AK3: variants seen among roughly 807,000 people sequenced by gnomAD.
AK3 encodes adenylate kinase 3, also known as GTP:AMP phosphotransferase AK3, mitochondrial.
A neutral mutation model predicts 23.7 loss-of-function variants in AK3; 27 were observed. The observed-to-expected ratio is 1.14, with a 90% CI of 0.84 to 1.57. The LOEUF is 1.57. AK3 is among the 40% of genes most tolerant of loss of function. The pLI is 0.00. For missense variants in AK3, 406 were observed against 285.6 expected (o/e 1.42, Z -3.04); for synonymous variants, 159 against 116.0 (o/e 1.37, Z -2.38).
chr9:4,732,763 A>C (rs1279882340), intron 1 of AK3, among the ~76,000 whole-genome samples: 1 of 152,078 alleles, frequency 6.6e-6, no homozygotes, highest in Non-Finnish European at 1.5e-5. Flanking sequence ...ACCCAAATCA[A>C]CCACACCTCA....
intron 2 of AK3, among the ~76,000 whole-genome samples, chr9:4,721,951 G>A (rs974332666): frequency 7.9e-5 from 12 of 152,240 alleles, no homozygotes; most frequent in African/African-American, 1.9e-4. Context: ...GCGTGCCTGT[G>A]TGCGAAGGTG....
intron 4 of AK3, among the ~76,000 whole-genome samples, 172 bp downstream of exon 4, chr9:4,718,247 C>G (rs530306418): frequency 6.6e-6 from 1 of 152,298 alleles, no homozygotes; most frequent in East Asian, 1.9e-4. Flanking sequence ...TGACTGAAGC[C>G]CAACCTACCT....
rs1298019821 is a variant in AK3, at chr9:4,713,064, G to C, written c.596C>G (p.Thr199Arg). ...ATAGGGCCAAATCTTGTTGGTTTCT[G>C]TTCCGGAGAATGTTTCCAGCACCCC... ...KKGVLETFSGTETNKIWPYVY... is the reference protein window; with the variant it reads ...KKGVLETFSGRETNKIWPYVY... The change falls in exon 5 of 5, where the codon ACA becomes AGA. Residue 199 changes from threonine (T) to arginine (R), a missense_variant. Coordinates refer to ENST00000381809, the MANE Select transcript of AK3 (RefSeq NM_016282.4). The C allele has an allele frequency of 1.2e-6, 2 of 1,613,640 alleles. No individual in the cohort carries two copies. Among genetic ancestry groups the C allele is most frequent in the South Asian group, 2.2e-5 (2 of 91,058 alleles).
At chr9:4,717,179 G>A (rs545194338) in intron 4 of AK3, among the ~76,000 whole-genome samples, 250 of 152,260 alleles carry the variant, frequency 1.6e-3, no homozygotes, top group Non-Finnish European at 2.5e-3. Context: ...CTTGAACTTA[G>A]GTATTCTGGC....
At chr9:4,713,169 C>G (rs1841609554) in intron 4 of AK3, 73 bp from the exon 5 acceptor site, 1 of 1,557,116 alleles carries the variant, frequency 6.4e-7, no homozygotes, top group Non-Finnish European at 8.7e-7. Flanking sequence ...CAAAGCCTTT[C>G]TGTAAATAAT....
At chr9:4,717,184 T>G (rs1296772775) in intron 4 of AK3, among the ~76,000 whole-genome samples, 4 of 152,166 alleles carry the variant, frequency 2.6e-5, no homozygotes, top group African/African-American at 9.7e-5. Flanking sequence ...ACTTAGGTAT[T>G]CTGGCTCCAG....
chr9:4,714,030 A>G, intron 4 of AK3, among the ~76,000 whole-genome samples: 1 of 40,070 alleles, frequency 2.5e-5, no homozygotes, highest in Non-Finnish European at 5.7e-5. Context: ...ATACAGCTAC[A>G]CATATACATC....
rs192542342 is a variant in AK3 at position 4,735,322 on chromosome 9, T to C, written c.151+5615A>G. 2.2e-3 allele frequency among the ~76,000 whole-genome samples: 201 copies of C among 90,884 alleles called. 19 individuals are homozygous for C. Among genetic ancestry groups the C allele is most frequent in the African/African-American group, 0.01 (173 of 17,148 alleles). 59.6% of individuals were successfully genotyped at this position (90,884 alleles called of 152,430 possible). On this transcript the variant is annotated intron_variant, in intron 1 of 4. Transcript: ENST00000381809. ...ATATATACATATATAAATATATATA[T>C]ACATATATAAATATATATATACATA... is the stretch of plus-strand genomic sequence containing the variant.
intron 1 of AK3, among the ~76,000 whole-genome samples, chr9:4,726,617 G>C (rs534986132): frequency 1.2e-3 from 186 of 152,098 alleles, no homozygotes; most frequent in African/African-American, 4.3e-3. Context: ...CACCATATGT[G>C]TAGTTACTTC....
chr9:4,713,109 C>G lies in AK3; in HGVS notation c.564-13G>C, dbSNP rs891352754. The G allele has an allele frequency of 1.2e-6, 2 of 1,612,124 alleles. No individual in the cohort carries two copies. Among genetic ancestry groups the G allele is most frequent in the Non-Finnish European group, 1.7e-6 (2 of 1,179,092 alleles). On this transcript the variant is annotated splice_polypyrimidine_tract_variant and intron_variant, in intron 4 of 4. Transcript: ENST00000381809. ...CACCCCTTTTTTCCTAAAGATGAAA[C>G]AAAAACAAAACAAACACACACAGGT... is the stretch of plus-strand genomic sequence containing the variant.
intron 1 of AK3, among the ~76,000 whole-genome samples, chr9:4,736,927 C>A (rs2130914505): frequency 6.6e-6 from 1 of 152,298 alleles, no homozygotes; most frequent in East Asian, 1.9e-4. Flanking sequence ...ACCCTCCAGC[C>A]TTGGCCTCCC....
intron 1 of AK3, among the ~76,000 whole-genome samples, chr9:4,729,213 T>C (rs976168180): frequency 1.3e-5 from 2 of 151,956 alleles, no homozygotes; most frequent in African/African-American, 4.8e-5. Context: ...TTTCACCATG[T>C]TGGTCAGGCT....
At chr9:4,723,179 A>G (rs1245749929) in intron 1 of AK3, among the ~76,000 whole-genome samples, 2 of 152,266 alleles carry the variant, frequency 1.3e-5, no homozygotes, top group Non-Finnish European at 2.9e-5. Context: ...TTGTAAAGGT[A>G]TAGACCAATA....
intron 4 of AK3, among the ~76,000 whole-genome samples, chr9:4,713,581 T>C (rs1410376869): frequency 2.0e-5 from 3 of 152,132 alleles, no homozygotes; most frequent in African/African-American, 7.2e-5. Flanking sequence ...TTCTAATACT[T>C]GAGTATCTTT....
intron 1 of AK3, among the ~76,000 whole-genome samples, chr9:4,732,461 G>A (rs1842177483): frequency 6.6e-6 from 1 of 152,140 alleles, no homozygotes; most frequent in Non-Finnish European, 1.5e-5. Context: ...CCCCAAAGTT[G>A]TTCAAGGCCA....
chr9:4,732,836 G>A (rs1469829090), intron 1 of AK3, among the ~76,000 whole-genome samples: 1 of 150,632 alleles, frequency 6.6e-6, no homozygotes, highest in Non-Finnish European at 1.5e-5. Flanking sequence ...AGAGGGACCT[G>A]ACCAAACTGT....
chr9:4,713,210 A>G (rs1841610684), intron 4 of AK3, 114 bp from the exon 5 acceptor site: 1 of 1,372,050 alleles, frequency 7.3e-7, no homozygotes, highest in South Asian at 1.7e-5. Flanking sequence ...CTTGGTAAGT[A>G]TAGATTTGTG....
Position 4,728,862 on chromosome 9 carries a change from T to TACACACACAC in AK3, c.152-6238_152-6237insGTGTGTGTGT, listed in dbSNP as rs1315242329. On this transcript the variant is annotated intron_variant, in intron 1 of 4. Coordinates refer to ENST00000381809, the MANE Select transcript of AK3 (RefSeq NM_016282.4). ...ATATATATATATATATATATATATATATATACACACACACACACACATACA... is the reference window on the plus strand; with the variant it reads ...ATATATATATATATATATATATATATACACACACACATATACACACACACACACACATACA... 4.2e-3 allele frequency among the ~76,000 whole-genome samples: 302 copies of TACACACACAC among 71,406 alleles called. 2 individuals are homozygous for TACACACACAC. Among genetic ancestry groups the TACACACACAC allele is most frequent in the African/African-American group, 0.013 (280 of 22,398 alleles). The allele number at this position is 71,406 out of a possible 152,430, so 46.8% of individuals were successfully genotyped here.
chr9:4,738,726 A>C (rs1249755250), intron 1 of AK3, among the ~76,000 whole-genome samples: 2 of 148,274 alleles, frequency 1.3e-5, no homozygotes, highest in African/African-American at 5.0e-5. Context: ...CATGAAATAG[A>C]TATAGTTTCC....
Sources: gnomAD v4.1 joint callset for allele counts (sites outside exome capture counted in the v4.1 genomes callset) on GRCh38, gnomAD v4.1.1 for gene constraint, MANE v1.5 for transcripts, NCBI Gene and HGNC (gene_info 2026-07-23, HGNC 2026-07-21) for gene names.